The following RECK variants were observed in gnomAD, a reference collection of about 807,000 sequenced individuals.
RECK encodes the protein reversion-inducing cysteine-rich protein with Kazal motifs.
In RECK, 69 loss-of-function variants were observed where a neutral mutation model predicts 115.1. The ratio of observed to expected loss-of-function variants is 0.60; its 90% CI spans 0.49 to 0.73. The LOEUF (loss-of-function observed/expected upper bound fraction) is 0.73. RECK is among the 30% of genes least tolerant of loss of function. The pLI, the probability that RECK is intolerant of heterozygous loss-of-function variation, is 0.00. For missense variants in RECK, 1,047 were observed against 1,203.7 expected (o/e 0.87, Z 1.93); for synonymous variants, 414 against 419.7 (o/e 0.99, Z 0.17).
intron 10 of RECK, among the ~76,000 whole-genome samples, chr9:36,092,081 A>AT (rs1564124311): frequency 1.3e-5 from 2 of 152,108 alleles, no homozygotes; most frequent in Admixed American, 6.5e-5. Context: ...CACACATCTT[A>AT]TTTTTTTTAA....
At chr9:36,039,479 TA>T (rs1023422522) in intron 1 of RECK, among the ~76,000 whole-genome samples, 2 of 152,230 alleles carry the variant, frequency 1.3e-5, no homozygotes, top group Non-Finnish European at 2.9e-5. Context: ...TGACCCCCTC[TA>T]TTATACAACT....
intron 6 of RECK, among the ~76,000 whole-genome samples, chr9:36,079,376 T>C (rs893101768): frequency 5.9e-5 from 9 of 152,196 alleles, no homozygotes; most frequent in Admixed American, 5.9e-4. Context: ...GAATATTTAC[T>C]TTTTCACTCC....
At chr9:36,110,723 C>T (rs757482663) in intron 15 of RECK, among the ~76,000 whole-genome samples, 3 of 152,054 alleles carry the variant, frequency 2.0e-5, no homozygotes, top group Non-Finnish European at 4.4e-5. Context: ...TAGGTAGCTG[C>T]CCTTGCCCCC....
At chr9:36,073,579 A>G (rs1022006488) in intron 6 of RECK, among the ~76,000 whole-genome samples, 3 of 152,014 alleles carry the variant, frequency 2.0e-5, no homozygotes, top group Non-Finnish European at 4.4e-5. Flanking sequence ...CCTCTTATCT[A>G]CTATATCCAC....
At chr9:36,042,103 A>G (rs7033220) in intron 1 of RECK, among the ~76,000 whole-genome samples, 83,097 of 151,128 alleles carry the variant, frequency 0.55, 23,207 homozygotes, top group East Asian at 0.79. Flanking sequence ...AACAGGTGGT[A>G]TTTGGTTACA....
At chr9:36,053,466 A>G (rs1821389039) in intron 2 of RECK, among the ~76,000 whole-genome samples, 1 of 152,238 alleles carries the variant, frequency 6.6e-6, no homozygotes, top group South Asian at 2.1e-4. Flanking sequence ...CGGTCTGATT[A>G]TAAGACATGA....
chr9:36,062,160 C>CTTT lies in RECK; in HGVS notation c.272-1619_272-1617dup, dbSNP rs770648750. Reference sequence around the variant, plus strand: ...TCATAATTATTTCTTGCATCTCCTACTTTTTTTTTTTTTTTTTTGAGATGG... The same window carrying CTTT: ...TCATAATTATTTCTTGCATCTCCTACTTTTTTTTTTTTTTTTTTTTTGAGATGG... On this transcript the variant is annotated intron_variant, in intron 4 of 20. Coordinates refer to ENST00000377966, the MANE Select transcript of RECK (RefSeq NM_021111.3). 2.3e-3 allele frequency among the ~76,000 whole-genome samples: 306 copies of CTTT among 131,920 alleles called. 6 individuals are homozygous for CTTT. The highest frequency in any genetic ancestry group is 3.3e-3 in the Admixed American group (43 of 12,856). The allele number at this position is 131,920 out of a possible 152,430, so 86.5% of individuals were successfully genotyped here. A position where few individuals can be genotyped will look rare whatever the true frequency, so the allele number is the denominator to read the frequency against.
chr9:36,069,999 G>T (rs10972716), intron 6 of RECK, among the ~76,000 whole-genome samples: 23,616 of 152,026 alleles, frequency 0.16, 3,691 homozygotes, highest in African/African-American at 0.39. Flanking sequence ...CCAGCAAAAA[G>T]GTATTTCAAG....
Position 36,087,752 on chromosome 9 carries a change from C to A in RECK, c.696C>A (p.Ile232=), listed in dbSNP as rs1382122041. The A allele has an allele frequency of 1.2e-6, 2 of 1,613,952 alleles. No individual in the cohort carries two copies. Among genetic ancestry groups the A allele is most frequent in the Non-Finnish European group, 1.7e-6 (2 of 1,179,894 alleles). The change falls in exon 9 of 21, where the codon ATC becomes ATA. Residue 232 remains isoleucine, a synonymous_variant. Transcript: ENST00000377966. Reference sequence around the variant, plus strand: ...CTTGCCAAAATGCCTGCAAGAGAATCCTGATGTCCAAGAAAACGGAAATGG... The same window carrying A: ...CTTGCCAAAATGCCTGCAAGAGAATACTGATGTCCAAGAAAACGGAAATGG... The part of the protein sequence containing the change: ...DHACQNACKR[I]LMSKKTEMEI...
chr9:36,082,024 TATTATC>T (rs1462576070), intron 7 of RECK, among the ~76,000 whole-genome samples: 1 of 152,104 alleles, frequency 6.6e-6, no homozygotes, highest in African/African-American at 2.4e-5. Context: ...ATGACTTTAT[TATTATC>T]ATTATCATTA....
At chr9:36,104,734 C>T (rs1823732519) in intron 12 of RECK, among the ~76,000 whole-genome samples, 1 of 152,118 alleles carries the variant, frequency 6.6e-6, no homozygotes, top group African/African-American at 2.4e-5. Context: ...GTCTCAAACT[C>T]CTGGCCTCCG....
intron 5 of RECK, 74 bp downstream of exon 5, chr9:36,063,954 T>A (rs1443340859): frequency 1.4e-6 from 2 of 1,396,486 alleles, no homozygotes; most frequent in Non-Finnish European, 2.0e-6. Context: ...GTCTTGGGCC[T>A]TGCCCACCTC....
chr9:36,040,306 G>T (rs968010683), intron 1 of RECK, among the ~76,000 whole-genome samples: 1 of 152,150 alleles, frequency 6.6e-6, no homozygotes, highest in Non-Finnish European at 1.5e-5. Context: ...AACTTCAAAA[G>T]AGTTTATAAG....
chr9:36,122,830 G>A lies in RECK; in HGVS notation c.2701G>A (p.Ala901Thr). 6.2e-7 allele frequency: 1 copy of A among 1,613,734 alleles called. No individual in the cohort carries two copies. Among genetic ancestry groups the A allele is most frequent in the African/African-American group, 1.3e-5 (1 of 75,040 alleles). ...ACCTTGTTTCTCCTCACAGATTGAA[G>A]CCTGCAATAAAGAAGCAGAGAAGAT... ...DHYPKALQIE[A>T]CNKEAEKIES... Residue 901 changes from alanine (A) to threonine (T), a missense_variant, in exon 21 of 21, where the codon GCC becomes ACC. Physicochemically the swap from Ala to Thr is moderately conservative, Grantham distance 58. Transcript: ENST00000377966.
At chr9:36,082,379 T>C (rs540933174) in intron 7 of RECK, among the ~76,000 whole-genome samples, 19 of 152,208 alleles carry the variant, frequency 1.2e-4, no homozygotes, top group Admixed American at 4.6e-4. Context: ...AGATGGGGTT[T>C]CAACATTTTG....
At chr9:36,063,623 C>T (rs1821870655) in intron 4 of RECK, among the ~76,000 whole-genome samples, 172 bp from the exon 5 acceptor site, 1 of 152,194 alleles carries the variant, frequency 6.6e-6, no homozygotes, top group Non-Finnish European at 1.5e-5. Context: ...AGACTGATAG[C>T]AGTGGAAGTA....
At chr9:36,105,985 G>A (rs1027503277) in intron 13 of RECK, among the ~76,000 whole-genome samples, 4 of 152,048 alleles carry the variant, frequency 2.6e-5, no homozygotes, top group South Asian at 2.1e-4. Flanking sequence ...AGGCCAAGGC[G>A]GGCGGATCAC....
At chr9:36,072,340 C>G (rs972854861) in intron 6 of RECK, among the ~76,000 whole-genome samples, 1 of 152,158 alleles carries the variant, frequency 6.6e-6, no homozygotes, top group Non-Finnish European at 1.5e-5. Context: ...GCAGGGATAT[C>G]AGGACCAACA....
At position 36,060,103 on chromosome 9, in the gene RECK, T is replaced by C; in HGVS notation, c.235-16T>C. ...TGGTTATCTACATAAAAGCCTTTTG[T>C]TGGGTACACTTTTAGGTTGAAATTT... is the stretch of plus-strand genomic sequence containing the variant. On this transcript the variant is annotated splice_polypyrimidine_tract_variant and intron_variant, in intron 3 of 20. Transcript: ENST00000377966. 6.2e-7 allele frequency: 1 copy of C among 1,613,024 alleles called. No homozygotes were observed. Among genetic ancestry groups the C allele is most frequent in the East Asian group, 2.2e-5 (1 of 44,852 alleles).
Sources: gnomAD v4.1 joint callset for allele counts (sites outside exome capture counted in the v4.1 genomes callset) on GRCh38, gnomAD v4.1.1 for gene constraint, MANE v1.5 for transcripts, NCBI Gene and HGNC (gene_info 2026-07-23, HGNC 2026-07-21) for gene names.